Variants in EIF2S3B observed in about 807,000 individuals in gnomAD.
The protein encoded by EIF2S3B is eukaryotic translation initiation factor 2 subunit 3B.
A neutral mutation model predicts 26.4 loss-of-function variants in EIF2S3B; 16 were observed. The observed-to-expected ratio is 0.61, with a 90% CI of 0.41 to 0.92. The LOEUF (loss-of-function observed/expected upper bound fraction) is 0.92, where lower values mean the gene tolerates loss of function less well. EIF2S3B is among the 40% of genes least tolerant of loss of function. EIF2S3B has a pLI of 0.00. For synonymous variants in EIF2S3B, 183 were observed against 204.4 expected, an observed-to-expected ratio of 0.90 and a Z score of 0.89; for missense variants, 510 against 575.5, an observed-to-expected ratio of 0.89 and a Z score of 1.16.
chr12:10,510,308 G>A (rs896885724), downstream of EIF2S3B, among the ~76,000 whole-genome samples: 5 of 152,104 alleles, frequency 3.3e-5, no homozygotes, highest in Non-Finnish European at 7.4e-5. Context: ...AATAAGATGA[G>A]AGGAAAGCCC....
At chr12:10,521,584 CATAAA>C (rs1425756747) in intron 1 of EIF2S3B, among the ~76,000 whole-genome samples, 2 of 151,970 alleles carry the variant, frequency 1.3e-5, no homozygotes, top group Admixed American at 6.6e-5. Flanking sequence ...TCTGCAAAAC[CATAAA>C]ATAATCTCTC....
intron 1 of EIF2S3B, among the ~76,000 whole-genome samples, chr12:10,513,743 A>G (rs1260334033): frequency 1.3e-5 from 2 of 152,208 alleles, no homozygotes; most frequent in Non-Finnish European, 2.9e-5. Flanking sequence ...GGCCGGGCAC[A>G]GTGGCTCACG....
downstream of EIF2S3B, among the ~76,000 whole-genome samples, chr12:10,512,825 T>C (rs73062514): frequency 0.14 from 21,762 of 152,182 alleles, 1,594 homozygotes; most frequent in Middle Eastern, 0.17. Flanking sequence ...CAAGCCACTC[T>C]TGCTTCCCAG....
chr12:10,517,665 T>C (rs1289509769), intron 1 of EIF2S3B, among the ~76,000 whole-genome samples: 1 of 152,038 alleles, frequency 6.6e-6, no homozygotes, highest in Non-Finnish European at 1.5e-5. Context: ...TTTGAATGTG[T>C]TTGCTCTTGC....
chr12:10,506,439 C>G lies in EIF2S3B; in HGVS notation c.537C>G (p.Ile179Met). Residue 179 changes from isoleucine to methionine, a missense_variant, in exon 1 of 1, where the codon ATC (isoleucine) becomes ATG (methionine). Transcript: ENST00000538173. ...QTSEHLAAIEIMKLKHILILQ... is the reference protein window; with the variant it reads ...QTSEHLAAIEMMKLKHILILQ... ...CTGAACACCTGGCTGCTATAGAGAT[C>G]ATGAAACTGAAGCATATTTTGATTC... 1.9e-6 allele frequency: 3 copies of G among 1,613,380 alleles called. No individual in the cohort carries two copies. The highest frequency in any genetic ancestry group is 2.5e-6 in the Non-Finnish European group (3 of 1,179,338).
chr12:10,516,782 C>T (rs918320647), intron 1 of EIF2S3B, among the ~76,000 whole-genome samples: 1 of 152,012 alleles, frequency 6.6e-6, no homozygotes, highest in Non-Finnish European at 1.5e-5. Flanking sequence ...TGAGATACGT[C>T]CCATCAATAC....
Position 10,506,617 on chromosome 12 carries a change from A to G in EIF2S3B, c.715A>G (p.Ile239Val). ...KYNIEVVCEYIVKKIPVPPRD... is the reference protein window; with the variant it reads ...KYNIEVVCEYVVKKIPVPPRD... ...CAATATTGAAGTTGTTTGTGAGTAC[A>G]TAGTAAAGAAAATTCCAGTACCCCC... Residue 239 changes from isoleucine to valine, a missense_variant, in exon 1 of 1, where the codon ATA (isoleucine) becomes GTA (valine). Transcript: ENST00000538173. 1 of 1,610,476 alleles carries G rather than the reference A, an allele frequency of 6.2e-7. No individual in the cohort carries two copies. The highest frequency in any genetic ancestry group is 8.5e-7 in the Non-Finnish European group (1 of 1,176,694).
chr12:10,509,940 C>G (rs1337676209), downstream of EIF2S3B, among the ~76,000 whole-genome samples: 1 of 151,942 alleles, frequency 6.6e-6, no homozygotes, highest in East Asian at 1.9e-4. Flanking sequence ...TGTTTTCATC[C>G]TATTTTTTTC....
At chr12:10,522,583 T>G (rs1351228288) in intron 1 of EIF2S3B, 1 of 668,526 alleles carries the variant, frequency 1.5e-6, no homozygotes, top group African/African-American at 1.8e-5. Flanking sequence ...TTCTTCAACA[T>G]CCATTGCATT....
Position 10,507,415 on chromosome 12 carries a change from A to G in EIF2S3B, c.*94A>G. 7.0e-7 allele frequency: 1 copy of G among 1,436,880 alleles called. No individual in the cohort carries two copies. The highest frequency in any genetic ancestry group is 9.7e-7 in the Non-Finnish European group (1 of 1,026,366). 89.0% of individuals were successfully genotyped at this position (1,436,880 alleles called of 1,614,324 possible). On this transcript the variant is annotated 3_prime_UTR_variant, in exon 1 of 1. Coordinates refer to ENST00000538173, the MANE Select transcript of EIF2S3B (RefSeq NM_001357734.3). ...TTTATTTTCAAAGCGATATTGGGGA[A>G]TTGATTTCACAGTTTGTTACCTTAG...
At chr12:10,522,399 GATTA>G (rs145307082) in intron 1 of EIF2S3B, among the ~76,000 whole-genome samples, 3,917 of 152,208 alleles carry the variant, frequency 0.026, 66 homozygotes, top group Non-Finnish European at 0.04. Context: ...TATATTCTGT[GATTA>G]GTTAAATAAT....
rs1314271087 is a variant in EIF2S3B, at chr12:10,507,901, T to G, written c.*580T>G. Among the ~76,000 whole-genome samples, 1 of 152,210 alleles carries G rather than the reference T, an allele frequency of 6.6e-6. No homozygotes were observed. Among genetic ancestry groups the G allele is most frequent in the Non-Finnish European group, 1.5e-5 (1 of 68,032 alleles). On this transcript the variant is annotated 3_prime_UTR_variant, in exon 1 of 1. Coordinates refer to ENST00000538173, the MANE Select transcript of EIF2S3B (RefSeq NM_001357734.3). ...CTTGCCTAGCCCACATCATGCAGTT[T>G]GAAATGAAACTTTGCCACAACCAGC...
downstream of EIF2S3B, among the ~76,000 whole-genome samples, chr12:10,509,066 G>A (rs1339362785): frequency 2.0e-5 from 3 of 152,078 alleles, no homozygotes; most frequent in African/African-American, 7.2e-5. Flanking sequence ...TCTTGCAGTG[G>A]GCAGCCTGTC....
chr12:10,510,216 C>A (rs536542233), downstream of EIF2S3B, among the ~76,000 whole-genome samples: 4 of 152,236 alleles, frequency 2.6e-5, no homozygotes, highest in Admixed American at 6.5e-5. Flanking sequence ...GCTTCCAGGT[C>A]TCTTTAATAC....
chr12:10,513,516 A>G (rs553147642), downstream of EIF2S3B, among the ~76,000 whole-genome samples: 54 of 152,284 alleles, frequency 3.5e-4, no homozygotes, highest in African/African-American at 1.1e-3. Flanking sequence ...TATCCCATTA[A>G]TGGTTATTTG....
rs568832443 is a variant in EIF2S3B, at chr12:10,506,173, C to T, written c.271C>T (p.Leu91Phe). ...LGYANAKIYQLDDPSCPRPEC... is the reference protein window; with the variant it reads ...LGYANAKIYQFDDPSCPRPEC... ...ATATGCTAATGCTAAGATTTATCAA[C>T]TTGATGACCCAAGTTGCCCTCGGCC... Residue 91 changes from leucine (L) to phenylalanine (F), a missense_variant, in exon 1 of 1, where the codon CTT becomes TTT. Physicochemically the swap from Leu to Phe is conservative, Grantham distance 22. Coordinates refer to ENST00000538173, the MANE Select transcript of EIF2S3B (RefSeq NM_001357734.3). The T allele has an allele frequency of 2.2e-4, 342 of 1,574,372 alleles. No homozygotes were observed. Among genetic ancestry groups the T allele is most frequent in the Non-Finnish European group, 3.0e-4 (338 of 1,143,906 alleles).
At chr12:10,519,937 T>C (rs1331921416) in intron 1 of EIF2S3B, among the ~76,000 whole-genome samples, 4 of 152,104 alleles carry the variant, frequency 2.6e-5, no homozygotes, top group Non-Finnish European at 5.9e-5. Context: ...TCAACCATTG[T>C]GGAAGTCAGT....
intron 1 of EIF2S3B, among the ~76,000 whole-genome samples, chr12:10,518,864 A>G (rs1204688688): frequency 6.6e-6 from 1 of 152,200 alleles, no homozygotes; most frequent in Non-Finnish European, 1.5e-5. Flanking sequence ...AAAAGAGGAC[A>G]CAAAGAAATG....
chr12:10,522,551 T>C (rs974501474), intron 1 of EIF2S3B: 17 of 637,222 alleles, frequency 2.7e-5, no homozygotes, highest in Admixed American at 2.4e-4. Flanking sequence ...ATTTGAGTTA[T>C]TGCAGTTTCC....
Sources: gnomAD v4.1 joint callset for allele counts (sites outside exome capture counted in the v4.1 genomes callset) on GRCh38, gnomAD v4.1.1 for gene constraint, MANE v1.5 for transcripts, NCBI Gene and HGNC (gene_info 2026-07-23, HGNC 2026-07-21) for gene names.